Variants in DOCK2 observed in about 807,000 individuals in gnomAD.
The protein encoded by DOCK2 is dedicator of cytokinesis protein 2.
Under a neutral mutation model 248.9 loss-of-function variants are expected in DOCK2, and 87 were observed. The ratio of observed to expected loss-of-function variants is 0.35; its 90% CI spans 0.29 to 0.42. The LOEUF (loss-of-function observed/expected upper bound fraction) is 0.42. Ranked by LOEUF, DOCK2 falls within the 10% of genes least tolerant of loss-of-function variation. The probability of loss-of-function intolerance (pLI) is 1.00; values close to 1 mark genes in which losing one functional copy is unlikely to be tolerated. For synonymous variants in DOCK2, 805 were observed against 821.6 expected, an observed-to-expected ratio of 0.98 and a Z score of 0.35; for missense variants, 1,747 against 2,300.2, an observed-to-expected ratio of 0.76 and a Z score of 4.92.
At chr5:169,914,813 G>C (rs548438999) in intron 27 of DOCK2, among the ~76,000 whole-genome samples, 1 of 152,318 alleles carries the variant, frequency 6.6e-6, no homozygotes, top group East Asian at 1.9e-4. Flanking sequence ...TCATGTACAT[G>C]ATCTGTTGAC....
intron 27 of DOCK2, among the ~76,000 whole-genome samples, chr5:169,851,858 A>T (rs1048717894): frequency 8.5e-5 from 13 of 152,118 alleles, no homozygotes; most frequent in Non-Finnish European, 1.8e-4. Flanking sequence ...GCCTGGGGAA[A>T]ACTACCCCCA....
chr5:169,645,758 A>AT (rs1757424137), intron 1 of DOCK2, among the ~76,000 whole-genome samples: 1 of 151,826 alleles, frequency 6.6e-6, no homozygotes. Context: ...TTATTTATTT[A>AT]TTTTTTTGAG....
At chr5:169,804,448 G>GTGTA (rs1454314683) in intron 26 of DOCK2, among the ~76,000 whole-genome samples, 1 of 65,140 alleles carries the variant, frequency 1.5e-5, no homozygotes, top group Non-Finnish European at 4.0e-5. Flanking sequence ...GTGTGTGTGT[G>GTGTA]TGTGTGTGTG....
chr5:169,835,630 C>T (rs750557958), intron 26 of DOCK2, among the ~76,000 whole-genome samples: 2 of 152,062 alleles, frequency 1.3e-5, no homozygotes, highest in South Asian at 2.1e-4. Flanking sequence ...AAAGAAGTAC[C>T]AAAGCATATT....
At chr5:169,672,229 A>G (rs1222539208) in intron 5 of DOCK2, among the ~76,000 whole-genome samples, 1 of 151,876 alleles carries the variant, frequency 6.6e-6, no homozygotes, top group Non-Finnish European at 1.5e-5. Context: ...GCTGGCCTTG[A>G]ACTCCTGACC....
intron 25 of DOCK2, among the ~76,000 whole-genome samples, chr5:169,790,909 T>C (rs953926048): frequency 1.3e-5 from 2 of 152,206 alleles, no homozygotes; most frequent in Non-Finnish European, 2.9e-5. Context: ...TACTATGCCA[T>C]GCCTTCCTCT....
intron 34 of DOCK2, among the ~76,000 whole-genome samples, chr5:170,033,700 A>G (rs1756224351): frequency 6.6e-6 from 1 of 152,198 alleles, no homozygotes; most frequent in African/African-American, 2.4e-5. Flanking sequence ...TTGTGACAGG[A>G]GGTTAAATGA....
intron 27 of DOCK2, among the ~76,000 whole-genome samples, chr5:169,917,886 T>C (rs1046196518): frequency 1.3e-5 from 2 of 152,208 alleles, no homozygotes; most frequent in South Asian, 2.1e-4. Flanking sequence ...TTCTGGAAAC[T>C]GAAATGGGAC....
intron 22 of DOCK2, among the ~76,000 whole-genome samples, chr5:169,728,644 G>A (rs565317900): frequency 6.6e-6 from 1 of 152,174 alleles, no homozygotes; most frequent in South Asian, 2.1e-4. Flanking sequence ...CCAGAGCTTA[G>A]CATCTTTCCT....
intron 27 of DOCK2, chr5:169,934,852 A>G (rs1775916586): frequency 2.6e-6 from 1 of 387,372 alleles, no homozygotes; most frequent in Non-Finnish European, 5.2e-6. Context: ...TAAATAAAGC[A>G]TTATACATTG....
chr5:169,938,940 G>A (rs1168693450), intron 27 of DOCK2, among the ~76,000 whole-genome samples: 3 of 136,006 alleles, frequency 2.2e-5, no homozygotes, highest in Admixed American at 1.6e-4. Context: ...GTCTTGCTCT[G>A]TCGCCCAGGC....
At chr5:169,669,140 A>G (rs946353008) in intron 2 of DOCK2, 148 bp from the exon 3 acceptor site, 6 of 813,448 alleles carry the variant, frequency 7.4e-6, no homozygotes, top group South Asian at 1.8e-5. Flanking sequence ...TTCAAAGACT[A>G]TGAGCTTCCA....
chr5:169,756,993 TC>T (rs1764232529), intron 23 of DOCK2, among the ~76,000 whole-genome samples: 1 of 152,030 alleles, frequency 6.6e-6, no homozygotes, highest in Non-Finnish European at 1.5e-5. Flanking sequence ...GTATATGGTA[TC>T]CCTTTAGACT....
rs749704247 is a variant in DOCK2, at chr5:169,714,177, C to T, written c.1809C>T (p.Ser603=). 5.6e-6 allele frequency: 9 copies of T among 1,612,384 alleles called. No homozygotes were observed. The highest frequency in any genetic ancestry group is 2.7e-5 in the African/African-American group (2 of 74,880). ...SVSSRDVFSI[S]TLVCSTKLTQ... is the part of the protein sequence containing the mutation. The stretch of plus-strand genomic sequence containing the variant: ...GCTCCCGGGATGTGTTCTCCATTTC[C>T]ACCCTGGTGTGCTCCACAAAGCTCA... Residue 603 remains serine (S), a synonymous_variant, in exon 18 of 52, where the codon TCC becomes TCT. Coordinates refer to ENST00000520908, the MANE Select transcript of DOCK2 (RefSeq NM_004946.3).
intron 27 of DOCK2, among the ~76,000 whole-genome samples, chr5:169,852,929 G>A (rs1770691096): frequency 6.6e-6 from 1 of 152,174 alleles, no homozygotes; most frequent in African/African-American, 2.4e-5. Flanking sequence ...CCTTCCCTGG[G>A]GGTGTTGTTG....
intron 25 of DOCK2, among the ~76,000 whole-genome samples, chr5:169,774,783 A>T (rs1581170412): frequency 6.6e-6 from 1 of 152,200 alleles, no homozygotes; most frequent in Non-Finnish European, 1.5e-5. Flanking sequence ...CTACTTGCCT[A>T]TTAAACATGT....
intron 27 of DOCK2, among the ~76,000 whole-genome samples, chr5:169,886,582 C>A (rs543624116): frequency 6.6e-6 from 1 of 152,340 alleles, no homozygotes; most frequent in South Asian, 2.1e-4. Context: ...TATGTATTAA[C>A]AACTCACTGT....
chr5:169,711,902 A>T, intron 15 of DOCK2, 33 bp from the exon 16 acceptor site: 1 of 1,612,742 alleles, frequency 6.2e-7, no homozygotes, highest in Non-Finnish European at 8.5e-7. Context: ...CCTTTAACTC[A>T]TTGTGTTCTG....
chr5:169,773,785 T>G (rs573686503), intron 25 of DOCK2, among the ~76,000 whole-genome samples: 188 of 152,286 alleles, frequency 1.2e-3, no homozygotes, highest in Non-Finnish European at 2.0e-3. Flanking sequence ...GTTGTGGGTG[T>G]GACCTGGTGG....
Sources: allele counts gnomAD v4.1 joint callset (sites outside exome capture counted in the v4.1 genomes callset), GRCh38; gene constraint gnomAD v4.1.1; transcripts MANE v1.5; gene names NCBI Gene and HGNC (gene_info 2026-07-23, HGNC 2026-07-21).